Variants in KHDC4 observed in about 807,000 individuals in gnomAD.
KHDC4 encodes KH homology domain-containing protein 4.
In KHDC4, 19 loss-of-function variants were observed where a neutral mutation model predicts 74.5. The observed-to-expected ratio is 0.26, with a 90% CI of 0.18 to 0.37. KHDC4 has a LOEUF of 0.37. KHDC4 is among the 10% of genes least tolerant of loss of function. KHDC4 has a pLI of 1.00. For synonymous variants in KHDC4, 253 were observed against 266.1 expected, an observed-to-expected ratio of 0.95 and a Z score of 0.48; for missense variants, 632 against 754.1, an observed-to-expected ratio of 0.84 and a Z score of 1.90.
intron 3 of KHDC4, 58 bp downstream of exon 3, chr1:155,929,654 G>A: frequency 6.4e-7 from 1 of 1,565,210 alleles, no homozygotes; most frequent in Non-Finnish European, 8.6e-7. Flanking sequence ...CTATTTAGAG[G>A]TCTTCTTTAT....
intron 11 of KHDC4, among the ~76,000 whole-genome samples, chr1:155,917,125 A>G (rs1673748136): frequency 6.6e-6 from 1 of 152,142 alleles, no homozygotes; most frequent in Non-Finnish European, 1.5e-5. Flanking sequence ...AATCTTTTTA[A>G]CTTTAGTGGC....
At chr1:155,921,238 G>A in intron 10 of KHDC4, 137 bp downstream of exon 10, 1 of 946,446 alleles carries the variant, frequency 1.1e-6, no homozygotes, top group Non-Finnish European at 1.6e-6. Flanking sequence ...CAGGTAGGTT[G>A]GTGGTAGGAA....
Position 155,926,728 on chromosome 1 carries a change from G to A in KHDC4, c.629C>T (p.Pro210Leu), listed in dbSNP as rs975579552. ...ATVTVYHQPA[P>L]IAQLSPAVSQ... ...AACAGCTGGAGACAACTGAGCGATG[G>A]GTGCTGGCTGGTGATAGACAGTTAC... Residue 210 changes from proline (P) to leucine (L), a missense_variant, in exon 6 of 14, where the codon CCC becomes CTC. Around this residue, in one of 4 missense-constraint regions of KHDC4, gnomAD observed 233 missense variants for 342.6 expected, o/e 0.68. Coordinates refer to ENST00000368321, the MANE Select transcript of KHDC4 (RefSeq NM_014949.4). 6.2e-7 allele frequency: 1 copy of A among 1,614,126 alleles called. No individual in the cohort carries two copies. Among genetic ancestry groups the A allele is most frequent in the South Asian group, 1.1e-5 (1 of 91,090 alleles).
intron 13 of KHDC4, 169 bp from the exon 14 acceptor site, chr1:155,914,489 A>G (rs1673690089): frequency 3.3e-6 from 2 of 597,264 alleles, no homozygotes; most frequent in Admixed American, 6.1e-5. Context: ...CACACGAAAA[A>G]CAGCACCAGC....
rs769959156 is a variant in KHDC4 at position 155,915,912 on chromosome 1, C to T, written c.1606G>A (p.Asp536Asn). The change falls in exon 13 of 14, where the codon GAT becomes AAT. Residue 536 changes from aspartate to asparagine, a missense_variant. By Grantham distance (23) the Asp-to-Asn change is conservative. This residue lies in a region of KHDC4 where 254 missense variants were observed against 267.4 expected (regional missense o/e 0.95). Coordinates refer to ENST00000368321, the MANE Select transcript of KHDC4 (RefSeq NM_014949.4). ...FPVTGIKTES[D>N]ERNGSGTLTG... ...AAGGTCCCAGACCCATTCCTTTCATCGGACTCTGTTTTTATTCCAGTCACT... is the reference window on the plus strand; with the variant it reads ...AAGGTCCCAGACCCATTCCTTTCATTGGACTCTGTTTTTATTCCAGTCACT... 28 of 1,602,292 alleles carry T rather than the reference C, an allele frequency of 1.7e-5. No individual in the cohort carries two copies. In the East Asian group the frequency reaches 2.5e-4, roughly 14 times the overall value.
chr1:155,934,246 C>A, intron 1 of KHDC4, 90 bp downstream of exon 1: 1 of 1,362,784 alleles, frequency 7.3e-7, no homozygotes. Context: ...CACTTAAGGA[C>A]CCTTCCACCC....
In KHDC4 at chr1:155,913,184, T is replaced by C. The variant is rs1673666118; in HGVS notation, c.*937A>G. 6.5e-6 allele frequency: 1 copy of C among 152,806 alleles called. No homozygotes were observed. The highest frequency in any genetic ancestry group is 2.4e-5 in the African/African-American group (1 of 41,458). The allele number at this position is 152,806 out of a possible 1,614,324, so 9.5% of individuals were successfully genotyped here. A position where few individuals can be genotyped will look rare whatever the true frequency, so the allele number is the denominator to read the frequency against. On this transcript the variant is annotated 3_prime_UTR_variant, in exon 14 of 14. Transcript: ENST00000368321. ...ATGACAGTTCAATATCTCAAACTAT[T>C]CCTGGTTCAGCAGACTAGCTCCTTC...
At chr1:155,923,558 G>C in intron 8 of KHDC4, 69 bp downstream of exon 8, 1 of 1,198,264 alleles carries the variant, frequency 8.3e-7, no homozygotes, top group South Asian at 1.2e-5. Flanking sequence ...ACAGGTGAAA[G>C]AAACAGCTAA....
At chr1:155,932,031 G>A (rs150372243) in intron 2 of KHDC4, among the ~76,000 whole-genome samples, 1 of 152,184 alleles carries the variant, frequency 6.6e-6, no homozygotes, top group South Asian at 2.1e-4. Flanking sequence ...GTGACTAAAG[G>A]TCTAAATTTT....
rs1674104029 is a variant in KHDC4, at chr1:155,929,833, G to C, written c.263C>G (p.Ala88Gly). The C allele has an allele frequency of 6.4e-7, 1 of 1,570,544 alleles. No homozygotes were observed. The change falls in exon 3 of 14, where the codon GCT becomes GGT. Residue 88 changes from alanine to glycine, a missense_variant. Physicochemically the swap from Ala to Gly is moderately conservative, Grantham distance 60 (BLOSUM62 0). Coordinates refer to ENST00000368321, the MANE Select transcript of KHDC4 (RefSeq NM_014949.4). ...ATTGCTAGTTAGGCCTTTGCCAGGA[G>C]CCTGAAGCTAGAAAAAAGAGAAATT... ...PTQNASEKLQ[A>G]PGKGLTSNKS... is the part of the protein sequence containing the mutation.
At position 155,923,554 on chromosome 1, in the gene KHDC4, G is replaced by C. The variant is rs191134120; in HGVS notation, c.954+73C>G. Reference sequence around the variant, plus strand: ...AGCAGTACTAGGAAACTAAACAGGTGAAAGAAACAGCTAAGACATACTCCA... The same window carrying C: ...AGCAGTACTAGGAAACTAAACAGGTCAAAGAAACAGCTAAGACATACTCCA... On this transcript the variant is annotated intron_variant, in intron 8 of 13. Transcript: ENST00000368321. 2.0e-4 allele frequency: 227 copies of C among 1,157,186 alleles called. 1 individual carries two copies. The highest frequency in any genetic ancestry group is 3.3e-5 in the Non-Finnish European group (25 of 766,194). 71.7% of individuals were successfully genotyped at this position (1,157,186 alleles called of 1,614,324 possible). A position where few individuals can be genotyped will look rare whatever the true frequency, so the allele number is the denominator to read the frequency against.
intron 9 of KHDC4, 88 bp downstream of exon 9, chr1:155,921,773 T>C (rs780703011): frequency 1.7e-4 from 234 of 1,394,878 alleles, no homozygotes; most frequent in Non-Finnish European, 2.3e-4. Context: ...ACATTAATAG[T>C]GCCCTGGCAC....
chr1:155,914,839 T>A (rs1171545063), intron 13 of KHDC4: 1 of 153,542 alleles, frequency 6.5e-6, no homozygotes, highest in African/African-American at 2.4e-5. Flanking sequence ...CAGCTCCCAA[T>A]ATAAAGCAAA....
chr1:155,921,649 T>C (rs1244465330), intron 9 of KHDC4, 21 bp from the exon 10 acceptor site: 1 of 1,601,700 alleles, frequency 6.2e-7, no homozygotes, highest in South Asian at 1.1e-5. Flanking sequence ...AGAAAAAAAG[T>C]GTTTAATCAG....
chr1:155,933,704 C>A lies in KHDC4; in HGVS notation c.184G>T (p.Val62Leu). The change falls in exon 2 of 14, where the codon GTG (valine) becomes TTG (leucine). Residue 62 changes from valine (V) to leucine (L), a missense_variant. Physicochemically the swap from Val to Leu is conservative, Grantham distance 32 (BLOSUM62 1). Coordinates refer to ENST00000368321, the MANE Select transcript of KHDC4 (RefSeq NM_014949.4). ...AGCATGGCATTAATCTTGGCAGCCA[C>A]AGCAGCAGCAGCATCCAAGGCTCCT... The part of the protein sequence containing the change: ...PSGALDAAAA[V>L]AAKINAMLMA... 6.2e-7 allele frequency: 1 copy of A among 1,608,500 alleles called. No homozygotes were observed. The highest frequency in any genetic ancestry group is 8.5e-7 in the Non-Finnish European group (1 of 1,176,096).
intron 10 of KHDC4, among the ~76,000 whole-genome samples, chr1:155,921,080 G>T (rs1470367548): frequency 6.6e-6 from 1 of 152,128 alleles, no homozygotes; most frequent in Admixed American, 6.6e-5. Flanking sequence ...GAGAATGTAT[G>T]GCCCTTAAAG....
At chr1:155,919,278 T>C (rs1221905494) in intron 10 of KHDC4, among the ~76,000 whole-genome samples, 1 of 152,100 alleles carries the variant, frequency 6.6e-6, no homozygotes, top group Non-Finnish European at 1.5e-5. Flanking sequence ...CTTAACTCCC[T>C]GCTTTTAACC....
chr1:155,932,816 A>C (rs929990610), intron 2 of KHDC4: 2 of 152,196 alleles, frequency 1.3e-5, no homozygotes, highest in East Asian at 3.8e-4. Context: ...CTGTAATCCC[A>C]GCTACTCGGG....
intron 8 of KHDC4, among the ~76,000 whole-genome samples, chr1:155,922,820 CAAAA>C (rs1038029476): frequency 6.6e-6 from 1 of 152,006 alleles, no homozygotes; most frequent in Non-Finnish European, 1.5e-5. Flanking sequence ...AAAAAACAAA[CAAAA>C]AAACCAACCA....
Sources: gnomAD v4.1 joint callset for allele counts (sites outside exome capture counted in the v4.1 genomes callset) on GRCh38, gnomAD v4.1.1 for gene constraint, gnomAD v4.1.1 regional missense constraint, MANE v1.5 for transcripts, NCBI Gene and HGNC (gene_info 2026-07-23, HGNC 2026-07-21) for gene names.